Variants in MTF2 observed in about 807,000 individuals in gnomAD.
The protein encoded by MTF2 is metal response element binding transcription factor 2, also known as metal-response element-binding transcription factor 2.
A neutral mutation model predicts 79.5 loss-of-function variants in MTF2; 11 were observed. The ratio of observed to expected loss-of-function variants is 0.14; its 90% confidence interval spans 0.09 to 0.23. MTF2 has a LOEUF of 0.23. Ranked by LOEUF, MTF2 falls within the 10% of genes least tolerant of loss-of-function variation. The pLI is 1.00. For synonymous variants in MTF2, 208 were observed against 232.8 expected, an observed-to-expected ratio of 0.89 and a Z score of 0.97; for missense variants, 486 against 711.2, an observed-to-expected ratio of 0.68 and a Z score of 3.60.
intron 6 of MTF2, among the ~76,000 whole-genome samples, chr1:93,116,022 A>G (rs1656235010): frequency 6.6e-6 from 1 of 152,190 alleles, no homozygotes; most frequent in South Asian, 2.1e-4. Flanking sequence ...AAGACATAAA[A>G]TCAACATGGA....
intron 7 of MTF2, 75 bp from the exon 8 acceptor site, chr1:93,119,258 T>C: frequency 2.0e-6 from 2 of 1,017,400 alleles, no homozygotes; most frequent in Non-Finnish European, 2.9e-6. Context: ...ATTCACTTGG[T>C]GAATATTAGC....
At chr1:93,093,564 C>T (rs891476447) in intron 1 of MTF2, among the ~76,000 whole-genome samples, 10 of 152,264 alleles carry the variant, frequency 6.6e-5, no homozygotes, top group Non-Finnish European at 1.5e-4. Context: ...ACCTTGCATT[C>T]CGTGCCTGCC....
At chr1:93,134,816 A>G (rs1486886327) in intron 14 of MTF2, among the ~76,000 whole-genome samples, 1 of 143,272 alleles carries the variant, frequency 7.0e-6, no homozygotes, top group East Asian at 2.0e-4. Flanking sequence ...GAGCCACTAC[A>G]GCTGGCCAAG....
At position 93,119,516 on chromosome 1, in the gene MTF2, C is replaced by A. The variant is rs1420731012; in HGVS notation, c.797+115C>A. The A allele has an allele frequency of 4.2e-6, 3 of 714,610 alleles. No homozygotes were observed. The Admixed American group carries it at 1.0e-4, about 24-fold the overall frequency. 44.3% of individuals were successfully genotyped at this position (714,610 alleles called of 1,614,324 possible). ...GTAAAAATAGGTTATTTATGCTTGG[C>A]TTTATTTCTTTTATTTATCCTCATG... On this transcript the variant is annotated intron_variant, in intron 8 of 14. Transcript: ENST00000370298.
rs774450595 is a variant in MTF2 at position 93,118,450 on chromosome 1, G to A, written c.728+10G>A. On this transcript the variant is annotated intron_variant, in intron 7 of 14. Transcript: ENST00000370298. ...TGCTATTTGGAGACAGGTGAGAAGG[G>A]CATTTGAACTTTACTGGCTGATTTT... The A allele has an allele frequency of 2.1e-5, 32 of 1,550,354 alleles. No individual in the cohort carries two copies. The South Asian group carries it at 3.6e-4, about 17-fold the overall frequency.
intron 1 of MTF2, among the ~76,000 whole-genome samples, chr1:93,100,797 C>G (rs1655499447): frequency 6.6e-6 from 1 of 152,214 alleles, no homozygotes; most frequent in South Asian, 2.1e-4. Context: ...AGAATTCCTT[C>G]TTCATAGCTT....
chr1:93,088,072 GTA>G (rs1654922336), intron 1 of MTF2, among the ~76,000 whole-genome samples: 1 of 151,890 alleles, frequency 6.6e-6, no homozygotes, highest in Non-Finnish European at 1.5e-5. Context: ...AAACTCTAGG[GTA>G]TAGTTAGTGG....
chr1:93,129,549 G>A, intron 11 of MTF2, 101 bp downstream of exon 11: 1 of 641,272 alleles, frequency 1.6e-6, no homozygotes, highest in Non-Finnish European at 2.3e-6. Context: ...ACAAGTGGCA[G>A]TTACTCTGAT....
chr1:93,112,727 A>G (rs549549674), intron 3 of MTF2, among the ~76,000 whole-genome samples: 1 of 152,210 alleles, frequency 6.6e-6, no homozygotes, highest in African/African-American at 2.4e-5. Flanking sequence ...TTTCTAGTCA[A>G]TTGGATTTAG....
chr1:93,090,560 A>AAT (rs1030237349), intron 1 of MTF2, among the ~76,000 whole-genome samples: 8 of 151,834 alleles, frequency 5.3e-5, no homozygotes, highest in African/African-American at 1.7e-4. Flanking sequence ...CTGTACTTTT[A>AAT]ATATATCTTT....
In MTF2 at chr1:93,127,010, G is replaced by A. The variant is rs565745395; in HGVS notation, c.922-222G>A. ...TTAATGTAATGAACAAGTAACTAGT[G>A]TAGGATTTATACTTCATTTTTTATA... On this transcript the variant is annotated intron_variant, in intron 9 of 14. Transcript: ENST00000370298. Among the ~76,000 whole-genome samples, 3 of 152,220 alleles carry A rather than the reference G, an allele frequency of 2.0e-5. No homozygotes were observed. In the South Asian group the frequency reaches 6.2e-4, roughly 32 times the overall value.
chr1:93,088,016 C>A (rs1654918976), intron 1 of MTF2, among the ~76,000 whole-genome samples: 1 of 152,168 alleles, frequency 6.6e-6, no homozygotes, highest in Non-Finnish European at 1.5e-5. Context: ...CTACTACCTA[C>A]CAAAGATCCA....
At chr1:93,113,372 C>T (rs1249949306) in intron 3 of MTF2, among the ~76,000 whole-genome samples, 1 of 151,790 alleles carries the variant, frequency 6.6e-6, no homozygotes, top group Non-Finnish European at 1.5e-5. Context: ...ACAGCAAGAC[C>T]CTATCTGAGG....
Position 93,119,350 on chromosome 1 carries a change from G to GTTTTTTTTT in MTF2, c.746_747insTTTTTTTTT (p.Cys249_Ser250insPhePhePhe), listed in dbSNP as rs1656381491. ...TTTCTTAGATTTTATACGTTTATATGCTCTGTCTGCAGTTCTGGACCAGAA... is the reference window on the plus strand; with the variant it reads ...TTTCTTAGATTTTATACGTTTATATGTTTTTTTTTCTCTGTCTGCAGTTCTGGACCAGAA... On this transcript the variant is annotated inframe_insertion, in exon 8 of 15. Coordinates refer to ENST00000370298, the MANE Select transcript of MTF2 (RefSeq NM_007358.4). 6.5e-7 allele frequency: 1 copy of GTTTTTTTTT among 1,538,518 alleles called. No homozygotes were observed.
At chr1:93,084,697 ACTT>A (rs1459190174) in intron 1 of MTF2, among the ~76,000 whole-genome samples, 4 of 152,120 alleles carry the variant, frequency 2.6e-5, no homozygotes, top group African/African-American at 9.6e-5. Context: ...CAATTCTCGA[ACTT>A]CTTCTGTTAA....
intron 3 of MTF2, among the ~76,000 whole-genome samples, chr1:93,111,109 G>A (rs962221214): frequency 1.4e-4 from 22 of 152,104 alleles, no homozygotes; most frequent in Admixed American, 1.4e-3. Flanking sequence ...GGCTATATTT[G>A]TGTGCCAATA....
intron 3 of MTF2, among the ~76,000 whole-genome samples, chr1:93,112,040 A>G (rs565462716): frequency 1.3e-5 from 2 of 152,286 alleles, no homozygotes; most frequent in African/African-American, 2.4e-5. Context: ...AAGAAAACCA[A>G]TGTTACATAG....
At chr1:93,129,239 C>A in intron 10 of MTF2, 39 bp from the exon 11 acceptor site, 3 of 1,438,420 alleles carry the variant, frequency 2.1e-6, no homozygotes, top group South Asian at 2.8e-5. Context: ...TATATGTGTT[C>A]AGTTTTTAAA....
At chr1:93,084,566 T>C (rs1007778801) in intron 1 of MTF2, among the ~76,000 whole-genome samples, 1 of 152,232 alleles carries the variant, frequency 6.6e-6, no homozygotes, top group Non-Finnish European at 1.5e-5. Flanking sequence ...ATTGAATCTA[T>C]AGATTGATTT....
Sources: gnomAD v4.1 joint callset for allele counts (sites outside exome capture counted in the v4.1 genomes callset) on GRCh38, gnomAD v4.1.1 for gene constraint, MANE v1.5 for transcripts, NCBI Gene and HGNC (gene_info 2026-07-23, HGNC 2026-07-21) for gene names.